The following RELL1 variants were observed in gnomAD, a reference collection of about 807,000 sequenced individuals.
RELL1 encodes RELT-like protein 1.
RELL1 carries 10 observed loss-of-function variants against 23.0 expected under a neutral mutation model. The ratio of observed to expected loss-of-function variants is 0.43; its 90% CI spans 0.27 to 0.74. RELL1 has a LOEUF of 0.74. Among genes scored for constraint, RELL1 ranks in the 30% least tolerant of loss-of-function variants. The probability of loss-of-function intolerance (pLI) is 0.19; values close to 1 mark genes in which losing one functional copy is unlikely to be tolerated. For missense variants in RELL1, 315 were observed against 364.4 expected, an observed-to-expected ratio of 0.86 and a Z score of 1.10; for synonymous variants, 146 against 146.8, an observed-to-expected ratio of 0.99 and a Z score of 0.04.
chr4:37,600,716 A>T (rs1718992082), intron 6 of RELL1, among the ~76,000 whole-genome samples: 1 of 151,382 alleles, frequency 6.6e-6, no homozygotes, highest in African/African-American at 2.4e-5. Context: ...AAGATTTGGG[A>T]GGGTTGATTG....
chr4:37,589,007 A>G, downstream of RELL1: 1 of 792,818 alleles, frequency 1.3e-6, no homozygotes. Flanking sequence ...TTGGGGCATG[A>G]TCAACATTGC....
chr4:37,644,610 C>T (rs965216120), intron 3 of RELL1, among the ~76,000 whole-genome samples: 1 of 151,634 alleles, frequency 6.6e-6, no homozygotes. Context: ...CAGACATGCA[C>T]CACCACGCCC....
intron 6 of RELL1, among the ~76,000 whole-genome samples, chr4:37,615,468 G>T (rs1577565562): frequency 6.6e-6 from 1 of 152,256 alleles, no homozygotes; most frequent in East Asian, 1.9e-4. Context: ...AGTGTTACAA[G>T]GTGCCTTCCA....
intron 3 of RELL1, among the ~76,000 whole-genome samples, chr4:37,644,815 G>A (rs1720654710): frequency 6.6e-6 from 1 of 152,018 alleles, no homozygotes; most frequent in African/African-American, 2.4e-5. Context: ...AACTACCCCA[G>A]CTATATACTG....
intron 6 of RELL1, among the ~76,000 whole-genome samples, chr4:37,598,093 A>ATATATATG (rs529547537): frequency 6.9e-6 from 1 of 144,576 alleles, no homozygotes; most frequent in African/African-American, 2.5e-5. Context: ...ATATATATAT[A>ATATATATG]TAACTCCTCC....
In RELL1 at chr4:37,668,673, G is replaced by A. The variant is rs548025885; in HGVS notation, c.88+17527C>T. Among the ~76,000 whole-genome samples, 98 of 151,472 alleles carry A rather than the reference G, an allele frequency of 6.5e-4. No homozygotes were observed. The East Asian group carries it at 0.015, about 23-fold the overall frequency. On this transcript the variant is annotated intron_variant, in intron 1 of 6. Coordinates refer to ENST00000454158, the MANE Select transcript of RELL1 (RefSeq NM_001085400.2). Reference sequence around the variant, plus strand: ...AAGTGAGGAGCGTCTCTGCCTGGCCGCCCATCGTCTGGGATGTGAGGAGCC... The same window carrying A: ...AAGTGAGGAGCGTCTCTGCCTGGCCACCCATCGTCTGGGATGTGAGGAGCC...
chr4:37,665,375 G>A (rs992287459), intron 1 of RELL1: 8 of 447,730 alleles, frequency 1.8e-5, no homozygotes, highest in Non-Finnish European at 3.1e-5. Flanking sequence ...GAAGTTTCCA[G>A]TTTGCAAAGA....
intron 6 of RELL1, among the ~76,000 whole-genome samples, chr4:37,630,311 A>G (rs944005082): frequency 1.3e-5 from 2 of 151,520 alleles, no homozygotes; most frequent in African/African-American, 4.9e-5. Context: ...GATGAAAGTT[A>G]AGCCACTATC....
At chr4:37,676,128 T>C (rs1722018372) in intron 1 of RELL1, among the ~76,000 whole-genome samples, 1 of 152,134 alleles carries the variant, frequency 6.6e-6, no homozygotes, top group Admixed American at 6.5e-5. Context: ...TCCATGCATG[T>C]CCCAACCCCA....
chr4:37,656,156 G>A (rs1285674290), intron 1 of RELL1, among the ~76,000 whole-genome samples: 1 of 152,144 alleles, frequency 6.6e-6, no homozygotes, highest in Non-Finnish European at 1.5e-5. Flanking sequence ...TATGAAAATG[G>A]AATATTATTC....
intron 1 of RELL1, among the ~76,000 whole-genome samples, chr4:37,677,908 G>A (rs147742611): frequency 1.4e-4 from 21 of 151,850 alleles, no homozygotes; most frequent in African/African-American, 4.6e-4. Context: ...GGAGGCAGAG[G>A]TTGCAGTGAG....
chr4:37,649,409 T>A lies in RELL1; in HGVS notation c.180A>T (p.Ala60=). The change falls in exon 2 of 7, where the codon GCA becomes GCT. Residue 60 remains alanine, a synonymous_variant. Transcript: ENST00000454158. ...TAAAGAACACAGGGACAAGCGCGTA[T>A]GCAATATATTCTGGGTGTCCATTCC... ...DTGNGHPEYI[A]YALVPVFFIM... 1 of 1,614,250 alleles carries A rather than the reference T, an allele frequency of 6.2e-7. No homozygotes were observed. The highest frequency in any genetic ancestry group is 8.5e-7 in the Non-Finnish European group (1 of 1,180,042).
chr4:37,670,730 C>A (rs1721806013), intron 1 of RELL1, among the ~76,000 whole-genome samples: 1 of 151,954 alleles, frequency 6.6e-6, no homozygotes, highest in Non-Finnish European at 1.5e-5. Context: ...GCCACCATGC[C>A]CAGCTGATTT....
chr4:37,679,684 G>A (rs933694749), intron 1 of RELL1, among the ~76,000 whole-genome samples: 1 of 152,174 alleles, frequency 6.6e-6, no homozygotes, highest in Non-Finnish European at 1.5e-5. Context: ...GCTGGGTGTG[G>A]TGGTGCATCC....
At position 37,636,488 on chromosome 4, in the gene RELL1, G is replaced by A. The variant is rs561581808; in HGVS notation, c.444-1365C>T. Among the ~76,000 whole-genome samples, 38 of 151,928 alleles carry A rather than the reference G, an allele frequency of 2.5e-4. 1 individual carries two copies. The East Asian group carries it at 3.9e-3, about 15-fold the overall frequency. ...CGGGCGCCTGTAGTCCCAGCTAATC[G>A]GGAGGCTGAGGCAGGAGAATGGTGT... On this transcript the variant is annotated intron_variant, in intron 4 of 6. Coordinates refer to ENST00000454158, the MANE Select transcript of RELL1 (RefSeq NM_001085400.2).
At chr4:37,664,300 C>A (rs184263518) in intron 1 of RELL1, among the ~76,000 whole-genome samples, 1 of 151,334 alleles carries the variant, frequency 6.6e-6, no homozygotes, top group Non-Finnish European at 1.5e-5. Context: ...TGCTTGAACC[C>A]GGGTTGAACC....
downstream of RELL1, chr4:37,588,589 C>T (rs1159753523): frequency 2.4e-6 from 1 of 410,062 alleles, no homozygotes; most frequent in Admixed American, 3.6e-5. Context: ...GGGGATGAAA[C>T]ACATAACCCC....
chr4:37,641,994 A>G (rs1366693257), intron 3 of RELL1, among the ~76,000 whole-genome samples: 1 of 152,194 alleles, frequency 6.6e-6, no homozygotes, highest in East Asian at 1.9e-4. Flanking sequence ...CTAGAGAGTG[A>G]CAGGCTTGGA....
downstream of RELL1, chr4:37,588,760 A>T: frequency 1.1e-6 from 1 of 928,896 alleles, no homozygotes; most frequent in South Asian, 1.4e-5. Flanking sequence ...ATACATTTTG[A>T]GTCTCTAGGG....
Sources: allele counts gnomAD v4.1 joint callset (sites outside exome capture counted in the v4.1 genomes callset), GRCh38; gene constraint gnomAD v4.1.1; transcripts MANE v1.5; gene names NCBI Gene and HGNC (gene_info 2026-07-23, HGNC 2026-07-21).